The following SNX29 variants were observed in gnomAD, a reference collection of about 807,000 sequenced individuals.
SNX29 encodes the protein sorting nexin 29.
Under a neutral mutation model 102.1 loss-of-function variants are expected in SNX29, and 78 were observed. The observed-to-expected ratio is 0.76, with a 90% CI of 0.64 to 0.92. SNX29 has a LOEUF of 0.92. Among genes scored for constraint, SNX29 ranks in the 40% least tolerant of loss-of-function variants. The probability of loss-of-function intolerance (pLI) is 0.00; values close to 1 mark genes in which losing one functional copy is unlikely to be tolerated. For missense variants in SNX29, 1,280 were observed against 1,061.7 expected (o/e 1.21, Z -2.86); for synonymous variants, 580 against 414.5 (o/e 1.40, Z -4.85).
chr16:12,416,571 G>A lies in SNX29; in HGVS notation c.2037+13042G>A, dbSNP rs1022388230. ...GTGTGGCTGTGAAGGAACACCTGAC[G>A]CTGGGTAGTTGATAAAGAGAAGAGG... On this transcript the variant is annotated intron_variant, in intron 18 of 20. Coordinates refer to ENST00000566228, the MANE Select transcript of SNX29 (RefSeq NM_032167.5). Among the ~76,000 whole-genome samples, 6 of 152,264 alleles carry A rather than the reference G, an allele frequency of 3.9e-5. No homozygotes were observed. The East Asian group carries it at 9.7e-4, about 25-fold the overall frequency.
intron 18 of SNX29, among the ~76,000 whole-genome samples, chr16:12,460,889 C>T (rs1031914986): frequency 6.6e-6 from 1 of 152,184 alleles, no homozygotes; most frequent in African/African-American, 2.4e-5. Context: ...GAACGCCTGA[C>T]CTCAGCCTTC....
chr16:12,156,237 G>C (rs28660528), intron 13 of SNX29, among the ~76,000 whole-genome samples: 35,296 of 152,164 alleles, frequency 0.23, 7,583 homozygotes, highest in African/African-American at 0.57. Context: ...GCAGAGGCGC[G>C]ATCTTGGCTC....
chr16:12,022,291 C>T (rs1242405628), intron 3 of SNX29, among the ~76,000 whole-genome samples: 1 of 151,610 alleles, frequency 6.6e-6, no homozygotes, highest in Non-Finnish European at 1.5e-5. Flanking sequence ...ACCTCCGCCT[C>T]CCGGGTTCAA....
chr16:12,436,223 G>C (rs79288494), intron 18 of SNX29, among the ~76,000 whole-genome samples: 1,507 of 140,934 alleles, frequency 0.011, 30 homozygotes, highest in African/African-American at 0.036. Flanking sequence ...GCACAGGTGA[G>C]GGCCACGCCT....
chr16:12,233,105 C>T (rs2077819398), intron 14 of SNX29, among the ~76,000 whole-genome samples: 1 of 151,424 alleles, frequency 6.6e-6, no homozygotes, highest in African/African-American at 2.5e-5. Context: ...TCTTCTTTGT[C>T]TTTGTCTTCC....
At chr16:12,209,889 A>T (rs1350871958) in intron 14 of SNX29, among the ~76,000 whole-genome samples, 2 of 152,172 alleles carry the variant, frequency 1.3e-5, no homozygotes, top group Admixed American at 6.5e-5. Flanking sequence ...GAGCCTGCCC[A>T]TCTGACTCTG....
chr16:12,091,416 G>A (rs962536427), intron 11 of SNX29, among the ~76,000 whole-genome samples: 9 of 152,152 alleles, frequency 5.9e-5, no homozygotes, highest in African/African-American at 1.9e-4. Flanking sequence ...GTGTGATGGT[G>A]TTAGGAGGTG....
At chr16:12,290,801 G>GT (rs2079767708) in intron 15 of SNX29, among the ~76,000 whole-genome samples, 1 of 152,160 alleles carries the variant, frequency 6.6e-6, no homozygotes, top group South Asian at 2.1e-4. Context: ...GCATAGGAGA[G>GT]TGGGGATGAG....
chr16:12,419,517 C>T (rs964564084), intron 18 of SNX29, among the ~76,000 whole-genome samples: 6 of 151,980 alleles, frequency 3.9e-5, no homozygotes, highest in Admixed American at 2.0e-4. Flanking sequence ...TGGAAAAGAC[C>T]AAGGGTACAG....
intron 14 of SNX29, among the ~76,000 whole-genome samples, chr16:12,270,308 T>C (rs1596700787): frequency 6.6e-6 from 1 of 152,222 alleles, no homozygotes; most frequent in South Asian, 2.1e-4. Context: ...TACGAATTGA[T>C]TGGTTTATTG....
At chr16:12,538,392 C>T (rs899552783) in intron 20 of SNX29, among the ~76,000 whole-genome samples, 3 of 152,088 alleles carry the variant, frequency 2.0e-5, no homozygotes, top group Non-Finnish European at 2.9e-5. Context: ...GCCCGGCCTC[C>T]CCTTGCACTT....
intron 15 of SNX29, among the ~76,000 whole-genome samples, chr16:12,304,559 T>C (rs74809307): frequency 1.3e-5 from 2 of 152,346 alleles, no homozygotes; most frequent in Non-Finnish European, 2.9e-5. Context: ...GGGCTGAGCA[T>C]GTAAATGTCT....
Position 12,052,208 on chromosome 16 carries a change from G to C in SNX29, c.1110G>C (p.Ser370=). ...CAGGAAGGAAGCACAGGGGCCACTC[G>C]GAGTCGCCCGAGAAGTAAGTTTGTG... ...NSSGRKHRGH[S]ESPEKPLEGN... Residue 370 remains serine, a synonymous_variant, in exon 8 of 21, where the codon TCG becomes TCC. Transcript: ENST00000566228. 6.2e-7 allele frequency: 1 copy of C among 1,613,868 alleles called. No individual in the cohort carries two copies. Among genetic ancestry groups the C allele is most frequent in the Non-Finnish European group, 8.5e-7 (1 of 1,179,848 alleles).
chr16:12,036,577 A>G (rs2057480871), intron 4 of SNX29, among the ~76,000 whole-genome samples: 1 of 151,848 alleles, frequency 6.6e-6, no homozygotes, highest in Admixed American at 6.6e-5. Context: ...CTCGTGATCC[A>G]CCTGCCTCGG....
At chr16:12,400,549 T>G (rs2083899226) in intron 17 of SNX29, among the ~76,000 whole-genome samples, 1 of 152,202 alleles carries the variant, frequency 6.6e-6, no homozygotes, top group South Asian at 2.1e-4. Context: ...TGGCCAACTC[T>G]AAATATCCCT....
In SNX29 at chr16:12,121,499, G is replaced by A. The variant is rs565809941; in HGVS notation, c.1403-5134G>A. On this transcript the variant is annotated intron_variant, in intron 11 of 20. Coordinates refer to ENST00000566228, the MANE Select transcript of SNX29 (RefSeq NM_032167.5). ...GGGTAGCCGCCTTGGCTGTGGTGGT[G>A]CAGCAGGAGACGAAGGCAGGAATGA... Among the ~76,000 whole-genome samples the A allele has an allele frequency of 7.3e-4, 111 of 152,356 alleles. 1 individual carries two copies. The highest frequency in any genetic ancestry group is 2.6e-3 in the African/African-American group (107 of 41,590).
At chr16:12,356,414 T>C (rs2082138909) in intron 16 of SNX29, 135 bp downstream of exon 16, 1 of 691,616 alleles carries the variant, frequency 1.4e-6, no homozygotes, top group South Asian at 1.9e-5. Context: ...CTGCCACATT[T>C]GCTTTTTATT....
At chr16:12,051,704 G>A (rs2050310666) in intron 7 of SNX29, 143 bp from the exon 8 acceptor site, 6 of 1,243,228 alleles carry the variant, frequency 4.8e-6, no homozygotes, top group Non-Finnish European at 2.2e-6. Context: ...TTTTCACTGA[G>A]GATTTTAAAA....
chr16:12,258,831 A>AT (rs1289962836), intron 14 of SNX29, among the ~76,000 whole-genome samples: 1 of 151,992 alleles, frequency 6.6e-6, no homozygotes. Context: ...GAGCGTTGTT[A>AT]TTTTTTATCT....
Sources: gnomAD v4.1 joint callset for allele counts (sites outside exome capture counted in the v4.1 genomes callset) on GRCh38, gnomAD v4.1.1 for gene constraint, MANE v1.5 for transcripts, NCBI Gene and HGNC (gene_info 2026-07-23, HGNC 2026-07-21) for gene names.